The following SZT2 variants were observed in gnomAD, a reference collection of about 807,000 sequenced individuals.
The protein encoded by SZT2 is KICSTOR complex protein SZT2.
In SZT2, 216 loss-of-function variants were observed where a neutral mutation model predicts 404.2. That is an observed-to-expected ratio of 0.53 (90% confidence interval 0.48 to 0.60). The LOEUF is 0.60. SZT2 is among the 20% of genes least tolerant of loss of function. SZT2 has a pLI of 0.00. For synonymous variants in SZT2, 1,693 were observed against 1,749.9 expected (o/e 0.97, Z 0.81); for missense variants, 3,857 against 4,459.2 (o/e 0.86, Z 3.85).
chr1:43,452,824 C>G lies in SZT2; in HGVS notation c.*2344C>G, dbSNP rs1393560566. On this transcript the variant is annotated 3_prime_UTR_variant, in exon 72 of 72. Coordinates refer to ENST00000634258, the MANE Select transcript of SZT2 (RefSeq NM_001365999.1). ...AGCCCCACTTTGAGCCGTCCACCTC[C>G]TCCCATCATCCCCTGATCTTAGCCA... 1.9e-5 allele frequency: 28 copies of G among 1,453,818 alleles called. No homozygotes were observed. The highest frequency in any genetic ancestry group is 2.5e-5 in the Non-Finnish European group (27 of 1,060,012). The allele number at this position is 1,453,818 out of a possible 1,614,324, so 90.1% of individuals were successfully genotyped here.
At chr1:43,445,500 A>G (rs575781477) in intron 62 of SZT2, 7 of 286,382 alleles carry the variant, frequency 2.4e-5, no homozygotes, top group Admixed American at 8.8e-5. Flanking sequence ...ATCCCCCCCA[A>G]TCAAAAGACA....
intron 41 of SZT2, among the ~76,000 whole-genome samples, chr1:43,434,765 A>G (rs1163772216): frequency 3.9e-5 from 6 of 152,188 alleles, no homozygotes; most frequent in African/African-American, 1.4e-4. Context: ...GTGATATACT[A>G]GTGACCCAGA....
chr1:43,415,268 C>T, intron 5 of SZT2, 55 bp downstream of exon 5: 1 of 1,586,936 alleles, frequency 6.3e-7, no homozygotes. Context: ...CAGCTAAGGA[C>T]AGAGGGCAGA....
Position 43,451,253 on chromosome 1 carries a change from T to G in SZT2, c.*773T>G, listed in dbSNP as rs1194746987. 1 of 1,614,026 alleles carries G rather than the reference T, an allele frequency of 6.2e-7. No individual in the cohort carries two copies. The highest frequency in any genetic ancestry group is 1.1e-5 in the South Asian group (1 of 91,088). ...GTGCGGGCCCTCACTGGCCAGCCTC[T>G]GGGTGGCCCCGCCTATCCCAGTATG... is the stretch of plus-strand genomic sequence containing the variant. On this transcript the variant is annotated 3_prime_UTR_variant, in exon 72 of 72. Coordinates refer to ENST00000634258, the MANE Select transcript of SZT2 (RefSeq NM_001365999.1).
chr1:43,453,603 G>A lies in SZT2; in HGVS notation c.*3123G>A, dbSNP rs1656701441. Reference sequence around the variant, plus strand: ...CCCGGCCCGCGACGCACCCGGGGGCGTGTTGATCAGTACAAGCCGCAGCCC... The same window carrying A: ...CCCGGCCCGCGACGCACCCGGGGGCATGTTGATCAGTACAAGCCGCAGCCC... On this transcript the variant is annotated 3_prime_UTR_variant, in exon 72 of 72. Transcript: ENST00000634258. 1 of 1,527,686 alleles carries A rather than the reference G, an allele frequency of 6.5e-7. No individual in the cohort carries two copies. The highest frequency in any genetic ancestry group is 8.8e-7 in the Non-Finnish European group (1 of 1,138,390). The allele number at this position is 1,527,686 out of a possible 1,614,324, so 94.6% of individuals were successfully genotyped here. A position where few individuals can be genotyped will look rare whatever the true frequency, so the allele number is the denominator to read the frequency against.
chr1:43,450,079 T>TC lies in SZT2; in HGVS notation c.10087-20dup. The TC allele has an allele frequency of 8.1e-6, 13 of 1,613,934 alleles. No homozygotes were observed. Among genetic ancestry groups the TC allele is most frequent in the Non-Finnish European group, 1.1e-5 (13 of 1,179,878 alleles). On this transcript the variant is annotated intron_variant, in intron 70 of 71. Coordinates refer to ENST00000634258, the MANE Select transcript of SZT2 (RefSeq NM_001365999.1). The surrounding 1 kb of genome is among the most constrained non-coding windows in gnomAD (Gnocchi z 4.3). ...TGTGGGAGGGTCTGTAGGGTCTGTG[T>TC]CCCCTCCTCATCTTTCACTGCAGGT...
At chr1:43,401,795 T>G (rs1056646669) in intron 1 of SZT2, among the ~76,000 whole-genome samples, 3 of 152,188 alleles carry the variant, frequency 2.0e-5, no homozygotes, top group Non-Finnish European at 4.4e-5. Context: ...CCTTTTTTTT[T>G]CTTTTACATA....
chr1:43,431,216 C>T (rs376441203), intron 33 of SZT2, 49 bp from the exon 34 acceptor site: 1 of 1,562,942 alleles, frequency 6.4e-7, no homozygotes, highest in Middle Eastern at 1.8e-4. Flanking sequence ...GGAGGAGGCC[C>T]TGGTAGGATA....
Position 43,442,849 on chromosome 1 carries a change from G to C in SZT2, c.8182G>C (p.Glu2728Gln), listed in dbSNP as rs1553154186. ...EPNPFLLPTM[E>Q]VETLIRSASP... The stretch of plus-strand genomic sequence containing the variant: ...AAACCCATTCCTGCTGCCGACCATG[G>C]AAGTGGAGACCCTCATCCGGAGTGC... The change falls in exon 59 of 72, where the codon GAA becomes CAA. Residue 2728 changes from glutamate to glutamine, a missense_variant. This residue lies in a region of SZT2 where 573 missense variants were observed against 592.4 expected (regional missense o/e 0.97). Transcript: ENST00000634258. This position sits in a 1 kb window ranked among gnomAD's most constrained non-coding sequence, Gnocchi z 4.5. 2.5e-6 allele frequency: 4 copies of C among 1,611,056 alleles called. No individual in the cohort carries two copies. Among genetic ancestry groups the C allele is most frequent in the Non-Finnish European group, 2.5e-6 (3 of 1,178,252 alleles).
Position 43,425,930 on chromosome 1 carries a change from A to C in SZT2, c.2910A>C (p.Pro970=), listed in dbSNP as rs778666985. The change falls in exon 20 of 72, where the codon CCA becomes CCC. Residue 970 remains proline (P), a synonymous_variant. Coordinates refer to ENST00000634258, the MANE Select transcript of SZT2 (RefSeq NM_001365999.1). This position sits in a 1 kb window ranked among gnomAD's most constrained non-coding sequence, Gnocchi z 4.3. ...CQSKEWGPLP[P]EPRVSDGLDQ... ...GCAAGGAATGGGGTCCTCTGCCCCCAGAGCCGAGGGTCTCTGATGGTGAGT... is the reference window on the plus strand; with the variant it reads ...GCAAGGAATGGGGTCCTCTGCCCCCCGAGCCGAGGGTCTCTGATGGTGAGT... 2.5e-6 allele frequency: 4 copies of C among 1,614,124 alleles called. No homozygotes were observed. The highest frequency in any genetic ancestry group is 1.7e-6 in the Non-Finnish European group (2 of 1,180,012).
In SZT2 at chr1:43,437,679, C is replaced by T. The variant is rs573010047; in HGVS notation, c.6375C>T (p.Pro2125=). 1 of 1,614,130 alleles carries T rather than the reference C, an allele frequency of 6.2e-7. No homozygotes were observed. Among genetic ancestry groups the T allele is most frequent in the South Asian group, 1.1e-5 (1 of 91,076 alleles). The stretch of plus-strand genomic sequence containing the variant: ...TCGCTCTGTCCCGAAGCCAAGAGCC[C>T]ATCTACTCTGAGGAAGCCTCGGCAT... ...PSLALSRSQE[P]IYSEEASGPR... The change falls in exon 45 of 72, where the codon CCC becomes CCT. Residue 2125 remains proline, a synonymous_variant. Coordinates refer to ENST00000634258, the MANE Select transcript of SZT2 (RefSeq NM_001365999.1). The surrounding 1 kb of genome is among the most constrained non-coding windows in gnomAD (Gnocchi z 5.3).
intron 4 of SZT2, among the ~76,000 whole-genome samples, chr1:43,411,378 C>CT (rs1651023620): frequency 6.6e-6 from 1 of 152,210 alleles, no homozygotes; most frequent in Non-Finnish European, 1.5e-5. Flanking sequence ...TTAGGATGCC[C>CT]TCTACCCATG....
Position 43,454,084 on chromosome 1 carries a change from C to G in SZT2, c.*3604C>G. On this transcript the variant is annotated 3_prime_UTR_variant, in exon 72 of 72. Coordinates refer to ENST00000634258, the MANE Select transcript of SZT2 (RefSeq NM_001365999.1). ...GAGGCCGAGCTCCAGGGCCTGAGAG[C>G]CGGACGCGAAGCAAGAGAGAGCTGG... The G allele has an allele frequency of 1.8e-6, 2 of 1,107,470 alleles. No individual in the cohort carries two copies. Among genetic ancestry groups the G allele is most frequent in the Non-Finnish European group, 2.2e-6 (2 of 908,836 alleles). The allele number at this position is 1,107,470 out of a possible 1,614,324, so 68.6% of individuals were successfully genotyped here. A position where few individuals can be genotyped will look rare whatever the true frequency, so the allele number is the denominator to read the frequency against.
chr1:43,411,230 G>GAGA (rs1216468517), intron 4 of SZT2, among the ~76,000 whole-genome samples: 5 of 152,198 alleles, frequency 3.3e-5, no homozygotes, highest in African/African-American at 1.2e-4. Context: ...CTGTCTTCAT[G>GAGA]GAGGGCACTG....
At chr1:43,396,153 T>TAGA (rs1425585378) in intron 1 of SZT2, among the ~76,000 whole-genome samples, 1 of 152,248 alleles carries the variant, frequency 6.6e-6, no homozygotes, top group East Asian at 1.9e-4. Flanking sequence ...TGTTCCATTC[T>TAGA]GGTCCCCACA....
Position 43,439,374 on chromosome 1 carries a change from A to G in SZT2, c.6809A>G (p.Gln2270Arg). ...RNHFQHPLPP[Q>R]GGLPDLDIYL... ...TTTCCCCAGCATCCACTCCCACCAC[A>G]GGGTGGCCTCCCTGACTTGGACATC... is the stretch of plus-strand genomic sequence containing the variant. Residue 2270 changes from glutamine to arginine, a missense_variant, in exon 49 of 72, where the codon CAG (glutamine) becomes CGG (arginine). Coordinates refer to ENST00000634258, the MANE Select transcript of SZT2 (RefSeq NM_001365999.1). The surrounding 1 kb of genome is among the most constrained non-coding windows in gnomAD (Gnocchi z 4.2). 6.2e-7 allele frequency: 1 copy of G among 1,613,936 alleles called. No individual in the cohort carries two copies. The highest frequency in any genetic ancestry group is 2.2e-5 in the East Asian group (1 of 44,868).
At position 43,450,134 on chromosome 1, in the gene SZT2, T is replaced by G. The variant is rs774466293; in HGVS notation, c.10118T>G (p.Phe3373Cys). Residue 3373 changes from phenylalanine (F) to cysteine (C), a missense_variant, in exon 71 of 72, where the codon TTT becomes TGT. This residue lies in a region of SZT2 where 717 missense variants were observed against 868.2 expected (regional missense o/e 0.83). Transcript: ENST00000634258. This position sits in a 1 kb window ranked among gnomAD's most constrained non-coding sequence, Gnocchi z 4.3. Reference sequence around the variant, plus strand: ...CTGAATCAGAAGTTCACTGACTGCTTTGTGCTAGTGTTTCTGGACTCCCAC... The same window carrying G: ...CTGAATCAGAAGTTCACTGACTGCTGTGTGCTAGTGTTTCTGGACTCCCAC... Reference protein sequence around the residue: ...VVLNQKFTDCFVLVFLDSHLG... With the variant: ...VVLNQKFTDCCVLVFLDSHLG... 2 of 1,614,082 alleles carry G rather than the reference T, an allele frequency of 1.2e-6. No homozygotes were observed. Among genetic ancestry groups the G allele is most frequent in the South Asian group, 2.2e-5 (2 of 91,086 alleles).
At position 43,447,444 on chromosome 1, in the gene SZT2, C is replaced by T. The variant is rs1254382226; in HGVS notation, c.9287-101C>T. 1.4e-5 allele frequency: 21 copies of T among 1,484,362 alleles called. No homozygotes were observed. In the East Asian group the frequency reaches 4.8e-4, roughly 34 times the overall value. The allele number at this position is 1,484,362 out of a possible 1,614,324, so 91.9% of individuals were successfully genotyped here. On this transcript the variant is annotated intron_variant, in intron 66 of 71. Coordinates refer to ENST00000634258, the MANE Select transcript of SZT2 (RefSeq NM_001365999.1). ...CCTAAGGAAAGCAGACCCACTCTGCCTGCCAGTCAGAGCCTTAAAGACTCC... is the reference window on the plus strand; with the variant it reads ...CCTAAGGAAAGCAGACCCACTCTGCTTGCCAGTCAGAGCCTTAAAGACTCC...
chr1:43,403,226 TCTCCCGAAATGTTCGCCTGGCTTGGTTC>T lies in SZT2; in HGVS notation c.81_108del (p.Arg28ValfsTer93). On this transcript the variant is annotated frameshift_variant, in exon 2 of 72. Coordinates refer to ENST00000634258, the MANE Select transcript of SZT2 (RefSeq NM_001365999.1). LOFTEE classifies it high-confidence loss of function. ...CTGTTAATGAAAAAGGATTATCGAA[TCTCCCGAAATGTTCGCCTGGCTTGGTTC>T]CTCAGTCATCTGCACCAAACTGTGC... 1 of 1,614,086 alleles carries T rather than the reference TCTCCCGAAATGTTCGCCTGGCTTGGTTC, an allele frequency of 6.2e-7. No individual in the cohort carries two copies. Among genetic ancestry groups the T allele is most frequent in the Non-Finnish European group, 8.5e-7 (1 of 1,180,028 alleles).
Sources: allele counts gnomAD v4.1 joint callset (sites outside exome capture counted in the v4.1 genomes callset), GRCh38; gene constraint gnomAD v4.1.1; regional missense constraint gnomAD v4.1.1; non-coding constraint Gnocchi (gnomAD v3.1); transcripts MANE v1.5; gene names NCBI Gene and HGNC (gene_info 2026-07-23, HGNC 2026-07-21).